PCDHA5: variants seen among roughly 807,000 people sequenced by gnomAD.
The protein encoded by PCDHA5 is protocadherin alpha 5.
Under a neutral mutation model 61.6 loss-of-function variants are expected in PCDHA5, and 43 were observed. The ratio of observed to expected loss-of-function variants is 0.70; its 90% CI spans 0.55 to 0.90. The LOEUF is 0.90. Ranked by LOEUF, PCDHA5 falls within the 40% of genes least tolerant of loss-of-function variation. The pLI is 0.00. For missense variants in PCDHA5, 1,298 were observed against 1,222.7 expected, an observed-to-expected ratio of 1.06 and a Z score of -0.92; for synonymous variants, 627 against 543.9, an observed-to-expected ratio of 1.15 and a Z score of -2.13.
At position 140,822,611 on chromosome 5, in the gene PCDHA5, T is replaced by C; in HGVS notation, c.836T>C (p.Phe279Ser). Residue 279 changes from phenylalanine (F) to serine (S), a missense_variant, in exon 1 of 4, where the codon TTC becomes TCC. Transcript: ENST00000529859. ...DEGINKEIVY[F>S]FSNLVLDDVK... ...GGCATCAATAAGGAAATAGTGTATTTCTTTAGTAATCTTGTTCTTGACGAT... is the reference window on the plus strand; with the variant it reads ...GGCATCAATAAGGAAATAGTGTATTCCTTTAGTAATCTTGTTCTTGACGAT... 6.2e-7 allele frequency: 1 copy of C among 1,611,604 alleles called. No homozygotes were observed. The highest frequency in any genetic ancestry group is 8.5e-7 in the Non-Finnish European group (1 of 1,178,118).
intron 1 of PCDHA5, among the ~76,000 whole-genome samples, chr5:140,946,631 T>TATATATATATATATACACAC (rs57893927): frequency 7.6e-6 from 1 of 131,856 alleles, no homozygotes; most frequent in East Asian, 2.1e-4. Flanking sequence ...TATATATATA[T>TATATATATATATATACACAC]ACAATGGAAT....
At chr5:140,987,262 G>A (rs563934474) in intron 3 of PCDHA5, among the ~76,000 whole-genome samples, 1 of 151,978 alleles carries the variant, frequency 6.6e-6, no homozygotes, top group South Asian at 2.1e-4. Context: ...TCTCAGGAAT[G>A]GGACCCGGCA....
At chr5:140,904,471 C>G (rs2071156688) in intron 1 of PCDHA5, among the ~76,000 whole-genome samples, 1 of 151,730 alleles carries the variant, frequency 6.6e-6, no homozygotes, top group Non-Finnish European at 1.5e-5. Context: ...TGATTGGTGG[C>G]TATTTGGTCT....
chr5:140,842,480 T>C (rs1554139085), intron 1 of PCDHA5: 2 of 1,613,826 alleles, frequency 1.2e-6, no homozygotes, highest in Non-Finnish European at 1.7e-6. Flanking sequence ...GCAGGTGACC[T>C]GCTCCCTGAT....
intron 1 of PCDHA5, among the ~76,000 whole-genome samples, chr5:140,896,646 G>C (rs1330006792): frequency 6.6e-6 from 1 of 152,078 alleles, no homozygotes; most frequent in Non-Finnish European, 1.5e-5. Flanking sequence ...CAAAGTGCTA[G>C]TATTACAGGC....
chr5:140,956,434 T>G (rs1554222427), intron 1 of PCDHA5, among the ~76,000 whole-genome samples: 1 of 152,236 alleles, frequency 6.6e-6, no homozygotes, highest in Non-Finnish European at 1.5e-5. Flanking sequence ...TTAGTTCTGC[T>G]TATGTGATGA....
intron 1 of PCDHA5, chr5:140,842,489 A>G (rs1778000282): frequency 6.2e-7 from 1 of 1,613,908 alleles, no homozygotes; most frequent in Middle Eastern, 1.6e-4. Context: ...CTGCTCCCTG[A>G]TGCCCCATGT....
intron 1 of PCDHA5, chr5:140,858,194 T>C: frequency 1.9e-6 from 3 of 1,596,986 alleles, no homozygotes; most frequent in Non-Finnish European, 1.7e-6. Context: ...GCTGCTGCTG[T>C]ACACTGCACT....
At chr5:140,872,497 C>G (rs1554166232) in intron 1 of PCDHA5, among the ~76,000 whole-genome samples, 1 of 152,150 alleles carries the variant, frequency 6.6e-6, no homozygotes. Context: ...CCTAGTGGTG[C>G]ATGCCTGTAG....
intron 1 of PCDHA5, chr5:140,875,581 G>A (rs1158750138): frequency 6.8e-6 from 11 of 1,613,944 alleles, no homozygotes; most frequent in African/African-American, 4.0e-5. Context: ...CTCCGTCTAC[G>A]AGGAGGCCAA....
chr5:140,968,287 C>T lies in PCDHA5; in HGVS notation c.2353-10662C>T, dbSNP rs7712041. Reference sequence around the variant, plus strand: ...AGGAGAATGCAGAGGTGACCTACTCCCTTCTGGAGAGGGAGATTCAAGGGC... The same window carrying T: ...AGGAGAATGCAGAGGTGACCTACTCTCTTCTGGAGAGGGAGATTCAAGGGC... On this transcript the variant is annotated intron_variant, in intron 1 of 3. Coordinates refer to ENST00000529859, the MANE Select transcript of PCDHA5 (RefSeq NM_018908.3). The T allele has an allele frequency of 2.5e-3, 4,093 of 1,613,902 alleles. 64 individuals are homozygous for T. In the African/African-American group the frequency reaches 0.039, roughly 16 times the overall value.
intron 3 of PCDHA5, among the ~76,000 whole-genome samples, chr5:141,006,584 GA>G (rs1353712503): frequency 6.6e-6 from 1 of 152,126 alleles, no homozygotes; most frequent in Non-Finnish European, 1.5e-5. Context: ...GAGGGTTGGA[GA>G]GAAGCAAAAG....
At chr5:140,902,085 GT>G (rs1225919893) in intron 1 of PCDHA5, among the ~76,000 whole-genome samples, 1 of 151,518 alleles carries the variant, frequency 6.6e-6, no homozygotes, top group African/African-American at 2.4e-5. Context: ...TGTTTTAATA[GT>G]TTTTTGGAGT....
At chr5:140,967,669 G>C in intron 1 of PCDHA5, 9 of 1,614,126 alleles carry the variant, frequency 5.6e-6, no homozygotes, top group Non-Finnish European at 7.6e-6. Flanking sequence ...GCTACACGTC[G>C]GACCGGGAGA....
In PCDHA5 at chr5:140,927,579, C is replaced by T. The variant is rs369243383; in HGVS notation, c.2353-51370C>T. The T allele has an allele frequency of 3.2e-4, 517 of 1,614,178 alleles. 2 individuals are homozygous for T. Among genetic ancestry groups the T allele is most frequent in the Non-Finnish European group, 4.1e-4 (483 of 1,180,030 alleles). On this transcript the variant is annotated intron_variant, in intron 1 of 3. Coordinates refer to ENST00000529859, the MANE Select transcript of PCDHA5 (RefSeq NM_018908.3). ...TCATTGTGGTGGACACAAATGACAA[C>T]GCGCCTGTATTTGAGCGCTCCGTAT...
At position 140,823,448 on chromosome 5, in the gene PCDHA5, A is replaced by G. The variant is rs1446735844; in HGVS notation, c.1673A>G (p.Asn558Ser). 6.2e-7 allele frequency: 1 copy of G among 1,613,308 alleles called. No homozygotes were observed. The highest frequency in any genetic ancestry group is 1.3e-5 in the African/African-American group (1 of 74,926). Residue 558 changes from asparagine (N) to serine (S), a missense_variant, in exon 1 of 4, where the codon AAC becomes AGC. Asn to Ser is a conservative substitution (Grantham distance 46). Coordinates refer to ENST00000529859, the MANE Select transcript of PCDHA5 (RefSeq NM_018908.3). ...CTGCAGGTGTTCGTGCTGGACGAGA[A>G]CGACAACGCGCCGGCGCTGCTGGTG... ...VTLQVFVLDE[N>S]DNAPALLVPR...
At position 140,857,848 on chromosome 5, in the gene PCDHA5, T is replaced by C. The variant is rs781886791; in HGVS notation, c.2352+33721T>C. The C allele has an allele frequency of 1.4e-5, 23 of 1,597,666 alleles. No homozygotes were observed. The highest frequency in any genetic ancestry group is 1.9e-5 in the Non-Finnish European group (22 of 1,167,550). The stretch of plus-strand genomic sequence containing the variant: ...AGGTGCGCGCAGTGGACGCTGACTC[T>C]GGATACAACGCGTGGCTGTCGTATG... On this transcript the variant is annotated intron_variant, in intron 1 of 3. Coordinates refer to ENST00000529859, the MANE Select transcript of PCDHA5 (RefSeq NM_018908.3).
intron 1 of PCDHA5, chr5:140,966,476 C>G: frequency 2.3e-6 from 1 of 432,972 alleles, no homozygotes; most frequent in Non-Finnish European, 4.0e-6. Flanking sequence ...CTTCTGTTTC[C>G]TTTTCCCTCC....
At chr5:140,852,896 T>G (rs1554146161) in intron 1 of PCDHA5, 1 of 852,356 alleles carries the variant, frequency 1.2e-6, no homozygotes, top group African/African-American at 1.8e-5. Flanking sequence ...TTTTTTTTTT[T>G]GAGTCAGAGT....
Sources: gnomAD v4.1 joint callset for allele counts (sites outside exome capture counted in the v4.1 genomes callset) on GRCh38, gnomAD v4.1.1 for gene constraint, MANE v1.5 for transcripts, NCBI Gene and HGNC (gene_info 2026-07-23, HGNC 2026-07-21) for gene names.